Variants in NAALADL2 observed in about 807,000 individuals in gnomAD.
NAALADL2 encodes the protein inactive N-acetylated-alpha-linked acidic dipeptidase-like protein 2.
Under a neutral mutation model 87.2 loss-of-function variants are expected in NAALADL2, and 76 were observed. The ratio of observed to expected loss-of-function variants is 0.87; its 90% CI spans 0.72 to 1.05. NAALADL2 has a LOEUF of 1.05. Among genes scored for constraint, NAALADL2 ranks in the 50% least tolerant of loss-of-function variants. The pLI is 0.00. For missense variants in NAALADL2, 1,089 were observed against 945.8 expected, an observed-to-expected ratio of 1.15 and a Z score of -1.99; for synonymous variants, 354 against 331.0, an observed-to-expected ratio of 1.07 and a Z score of -0.75.
intron 1 of NAALADL2, among the ~76,000 whole-genome samples, chr3:175,008,854 A>G (rs1199236581): frequency 2.0e-5 from 3 of 152,186 alleles, no homozygotes; most frequent in Admixed American, 6.6e-5. Flanking sequence ...TATTCCATAC[A>G]GTGAGCAAAC....
At chr3:175,672,451 G>A (rs1041624159) in intron 11 of NAALADL2, among the ~76,000 whole-genome samples, 1 of 152,150 alleles carries the variant, frequency 6.6e-6, no homozygotes, top group African/African-American at 2.4e-5. Context: ...CACTGATCAA[G>A]ACTGCTTATA....
chr3:175,073,419 C>A (rs371813331), intron 1 of NAALADL2, among the ~76,000 whole-genome samples: 1 of 151,912 alleles, frequency 6.6e-6, no homozygotes, highest in African/African-American at 2.4e-5. Flanking sequence ...AAATCATCAT[C>A]GTAAGTTATA....
chr3:175,634,901 TCATGA>T, intron 11 of NAALADL2, among the ~76,000 whole-genome samples: 1 of 152,138 alleles, frequency 6.6e-6, no homozygotes, highest in Non-Finnish European at 1.5e-5. Flanking sequence ...CTCTTAGTTT[TCATGA>T]CATGAGCTAA....
At chr3:174,650,646 G>T (rs1724265951) in intron 2 of NAALADL2, among the ~76,000 whole-genome samples, 1 of 152,050 alleles carries the variant, frequency 6.6e-6, no homozygotes, top group Admixed American at 6.6e-5. Context: ...AACTTGCTGA[G>T]AAATGAGTTT....
chr3:174,678,453 T>C (rs1377044620), intron 2 of NAALADL2, among the ~76,000 whole-genome samples: 4 of 152,120 alleles, frequency 2.6e-5, no homozygotes, highest in Admixed American at 2.0e-4. Flanking sequence ...GGATGCCAAA[T>C]TTTTTTCCAA....
chr3:175,229,624 T>A (rs573611729), intron 2 of NAALADL2, among the ~76,000 whole-genome samples: 1 of 152,072 alleles, frequency 6.6e-6, no homozygotes, highest in East Asian at 1.9e-4. Flanking sequence ...TGTCTTCACA[T>A]GATGGAAAGA....
intron 9 of NAALADL2, among the ~76,000 whole-genome samples, chr3:175,521,502 A>G (rs35964446): frequency 0.084 from 12,844 of 152,152 alleles, 717 homozygotes; most frequent in South Asian, 0.13. Flanking sequence ...TGTTCCCCAG[A>G]GAGATATGTT....
intron 1 of NAALADL2, among the ~76,000 whole-genome samples, chr3:175,060,394 A>C (rs1247551982): frequency 6.6e-6 from 1 of 152,248 alleles, no homozygotes; most frequent in Admixed American, 6.5e-5. Context: ...TATAGACTTC[A>C]CTTATAAGAA....
At chr3:174,537,678 T>C (rs1340374250) in intron 1 of NAALADL2, among the ~76,000 whole-genome samples, 1 of 152,168 alleles carries the variant, frequency 6.6e-6, no homozygotes, top group Non-Finnish European at 1.5e-5. Context: ...GTATGGCTAC[T>C]CAGGGAGTGA....
intron 9 of NAALADL2, among the ~76,000 whole-genome samples, chr3:175,574,471 T>C (rs748132773): frequency 6.6e-5 from 10 of 152,106 alleles, no homozygotes; most frequent in African/African-American, 1.2e-4. Flanking sequence ...AAACTTTTGA[T>C]TGGTTGTTTT....
chr3:174,556,493 C>T (rs750391873), intron 2 of NAALADL2, among the ~76,000 whole-genome samples: 4 of 150,802 alleles, frequency 2.7e-5, no homozygotes, highest in Non-Finnish European at 5.9e-5. Context: ...AACATTTTGA[C>T]GTGTTTCTTA....
intron 12 of NAALADL2, among the ~76,000 whole-genome samples, chr3:175,752,574 A>G (rs149094483): frequency 5.6e-4 from 85 of 152,164 alleles, no homozygotes; most frequent in Non-Finnish European, 1.0e-3. Context: ...CATTGAAAAT[A>G]GAGCTACTTT....
At chr3:175,304,866 C>T (rs1159608148) in intron 4 of NAALADL2, among the ~76,000 whole-genome samples, 1 of 151,920 alleles carries the variant, frequency 6.6e-6, no homozygotes, top group East Asian at 1.9e-4. Context: ...TTATTTTCTG[C>T]TTTTATATTA....
At chr3:175,006,443 G>T (rs140071752) in intron 1 of NAALADL2, among the ~76,000 whole-genome samples, 1 of 152,200 alleles carries the variant, frequency 6.6e-6, no homozygotes, top group African/African-American at 2.4e-5. Context: ...TGATTCATTT[G>T]ATTGGAACAT....
chr3:175,718,006 T>C (rs1172375961), intron 11 of NAALADL2, among the ~76,000 whole-genome samples: 2 of 151,480 alleles, frequency 1.3e-5, no homozygotes, highest in East Asian at 3.9e-4. Flanking sequence ...TTGTTGTTGT[T>C]ATAGCACAAC....
intron 11 of NAALADL2, among the ~76,000 whole-genome samples, chr3:175,655,009 T>C (rs888618650): frequency 1.3e-5 from 2 of 152,040 alleles, no homozygotes; most frequent in African/African-American, 4.8e-5. Context: ...GTGACTACGA[T>C]GAGTGTCACA....
chr3:175,118,165 G>T (rs755053773), intron 2 of NAALADL2, among the ~76,000 whole-genome samples: 1 of 151,802 alleles, frequency 6.6e-6, no homozygotes, highest in African/African-American at 2.4e-5. Context: ...TGTAAATGAC[G>T]AGTTAATGGG....
At chr3:174,898,704 A>G (rs970829553) in intron 1 of NAALADL2, among the ~76,000 whole-genome samples, 3 of 152,152 alleles carry the variant, frequency 2.0e-5, no homozygotes, top group Non-Finnish European at 4.4e-5. Context: ...AAAGACAGTC[A>G]CTAAAGTATT....
At chr3:174,457,744 G>T (rs1715936481) in intron 1 of NAALADL2, among the ~76,000 whole-genome samples, 1 of 152,124 alleles carries the variant, frequency 6.6e-6, no homozygotes, top group South Asian at 2.1e-4. Context: ...CCGGGAGGTG[G>T]AGGTTGTAGT....
Sources: allele counts gnomAD v4.1 joint callset (sites outside exome capture counted in the v4.1 genomes callset), GRCh38; gene constraint gnomAD v4.1.1; transcripts MANE v1.5; gene names NCBI Gene and HGNC (gene_info 2026-07-23, HGNC 2026-07-21).